MYOZ1: variants seen among roughly 807,000 people sequenced by gnomAD.
MYOZ1 encodes myozenin 1, also known as myozenin-1.
In MYOZ1, 20 loss-of-function variants were observed where a neutral mutation model predicts 28.7. That is an observed-to-expected ratio of 0.70 (90% CI 0.49 to 1.01). The LOEUF (loss-of-function observed/expected upper bound fraction) is 1.01, where lower values mean the gene tolerates loss of function less well. MYOZ1 is among the 50% of genes least tolerant of loss of function. The probability of loss-of-function intolerance (pLI) is 0.00; values close to 1 mark genes in which losing one functional copy is unlikely to be tolerated. For synonymous variants in MYOZ1, 144 were observed against 145.8 expected (o/e 0.99, Z 0.09); for missense variants, 371 against 372.4 (o/e 1.00, Z 0.03).
chr10:73,638,303 A>G (rs1343130178), intron 2 of MYOZ1, among the ~76,000 whole-genome samples: 1 of 150,994 alleles, frequency 6.6e-6, no homozygotes, highest in Non-Finnish European at 1.5e-5. Flanking sequence ...ATATATATAT[A>G]TATATATATA....
At chr10:73,640,171 C>T (rs2081695101) in intron 1 of MYOZ1, 136 bp from the exon 2 acceptor site, 2 of 604,634 alleles carry the variant, frequency 3.3e-6, no homozygotes, top group Non-Finnish European at 5.7e-6. Flanking sequence ...TTTTTAGAGA[C>T]AGGATCTCAC....
In MYOZ1 at chr10:73,634,640, T is replaced by C; in HGVS notation, c.346A>G (p.Ser116Gly). 2 of 1,614,232 alleles carry C rather than the reference T, an allele frequency of 1.2e-6. No individual in the cohort carries two copies. Among genetic ancestry groups the C allele is most frequent in the South Asian group, 2.2e-5 (2 of 91,086 alleles). The change falls in exon 4 of 6, where the codon AGC becomes GGC. Residue 116 changes from serine (S) to glycine (G), a missense_variant. By Grantham distance (56) the Ser-to-Gly change is moderately conservative. Transcript: ENST00000359322. Reference sequence around the variant, plus strand: ...GCAGAGCCACTGCCCCCTGCCTGGCTGCCGCCTCTGCCGTTGCTCTTGCTG... The same window carrying C: ...GCAGAGCCACTGCCCCCTGCCTGGCCGCCGCCTCTGCCGTTGCTCTTGCTG... ...SYSKSNGRGG[S>G]QAGGSGSAGQ...
chr10:73,632,615 A>ACC (rs368569767), intron 5 of MYOZ1, among the ~76,000 whole-genome samples: 63 of 101,078 alleles, frequency 6.2e-4, no homozygotes, highest in Middle Eastern at 5.3e-3. Context: ...AAATACAAAC[A>ACC]CCCCCCCCCC....
At chr10:73,638,638 TTTTATTTATTTA>T (rs71482554) in intron 2 of MYOZ1, among the ~76,000 whole-genome samples, 1,698 of 124,122 alleles carry the variant, frequency 0.014, 18 homozygotes, top group Admixed American at 0.02. Context: ...CCAGCCTACA[TTTTATTTATTTA>T]TTTATTTATT....
At chr10:73,632,286 CCTT>C (rs913606652) in intron 5 of MYOZ1, 125 bp from the exon 6 acceptor site, 58 of 816,262 alleles carry the variant, frequency 7.1e-5, no homozygotes, top group African/African-American at 3.6e-4. Context: ...CATCTGTACT[CCTT>C]CTTCTTCCTT....
chr10:73,640,222 C>T (rs2081695593), intron 1 of MYOZ1, among the ~76,000 whole-genome samples, 187 bp from the exon 2 acceptor site: 2 of 152,220 alleles, frequency 1.3e-5, no homozygotes, highest in African/African-American at 4.8e-5. Flanking sequence ...AATCATGCCT[C>T]ACTGCAGCCT....
chr10:73,634,786 C>A, intron 3 of MYOZ1, 53 bp from the exon 4 acceptor site: 1 of 1,580,610 alleles, frequency 6.3e-7, no homozygotes. Flanking sequence ...GGAAAATATA[C>A]AAAAACAGAG....
At chr10:73,638,943 G>A (rs1453900229) in intron 2 of MYOZ1, among the ~76,000 whole-genome samples, 1 of 149,130 alleles carries the variant, frequency 6.7e-6, no homozygotes, top group Non-Finnish European at 1.5e-5. Flanking sequence ...TGGGATTACA[G>A]GCATGAGCCA....
At chr10:73,639,891 G>T in intron 2 of MYOZ1, 54 bp downstream of exon 2, 1 of 1,550,132 alleles carries the variant, frequency 6.5e-7, no homozygotes. Context: ...GGGACTCTTG[G>T]TTTAGGGATG....
intron 5 of MYOZ1, 111 bp downstream of exon 5, chr10:73,633,789 C>T: frequency 4.2e-6 from 5 of 1,200,976 alleles, no homozygotes; most frequent in Non-Finnish European, 5.8e-6. Context: ...CCCCATATCC[C>T]TGCCATCTCT....
chr10:73,637,187 T>C (rs1467990506), intron 3 of MYOZ1, among the ~76,000 whole-genome samples: 2 of 151,938 alleles, frequency 1.3e-5, no homozygotes, highest in Non-Finnish European at 2.9e-5. Flanking sequence ...TAATTTTTTG[T>C]ATTTTTAGTA....
chr10:73,634,134 G>T lies in MYOZ1; in HGVS notation c.503-69C>A. ...AGTAGCCAATGAAAGGTAATCCCAC[G>T]CCCCTACACTAGGGAAATTGCAAGA... On this transcript the variant is annotated intron_variant, in intron 4 of 5. Coordinates refer to ENST00000359322, the MANE Select transcript of MYOZ1 (RefSeq NM_021245.4). 2.6e-6 allele frequency: 4 copies of T among 1,552,248 alleles called. No individual in the cohort carries two copies. The South Asian group carries it at 3.5e-5, about 13-fold the overall frequency.
chr10:73,640,272 C>A (rs1208038863), intron 1 of MYOZ1, among the ~76,000 whole-genome samples: 1 of 152,210 alleles, frequency 6.6e-6, no homozygotes, highest in Admixed American at 6.5e-5. Context: ...ACTTCAGCCT[C>A]CCAAGTAGCT....
At chr10:73,640,104 G>A in intron 1 of MYOZ1, 69 bp from the exon 2 acceptor site, 1 of 1,336,968 alleles carries the variant, frequency 7.5e-7, no homozygotes, top group Non-Finnish European at 1.1e-6. Context: ...CTGTAGGAGA[G>A]CAGCACTTCT....
At chr10:73,634,857 C>T (rs1718141864) in intron 3 of MYOZ1, 124 bp from the exon 4 acceptor site, 8 of 1,154,358 alleles carry the variant, frequency 6.9e-6, no homozygotes, top group Non-Finnish European at 9.6e-6. Flanking sequence ...TCTGATATTT[C>T]CCCCTCCAGT....
rs1194746995 is a variant in MYOZ1, at chr10:73,637,838, G to C, written c.158C>G (p.Thr53Ser). 1.2e-6 allele frequency: 2 copies of C among 1,614,130 alleles called. No homozygotes were observed. The highest frequency in any genetic ancestry group is 1.7e-6 in the Non-Finnish European group (2 of 1,180,032). The change falls in exon 3 of 6, where the codon ACC becomes AGC. Residue 53 changes from threonine to serine, a missense_variant. Coordinates refer to ENST00000359322, the MANE Select transcript of MYOZ1 (RefSeq NM_021245.4). Reference sequence around the variant, plus strand: ...TTTGAACATCTTGGAGCCCCGGTTGGTAAGCAGCGACAGTTCCTCCAACAT... The same window carrying C: ...TTTGAACATCTTGGAGCCCCGGTTGCTAAGCAGCGACAGTTCCTCCAACAT... Reference protein sequence around the residue: ...DVMLEELSLLTNRGSKMFKLR... With the variant: ...DVMLEELSLLSNRGSKMFKLR...
intron 2 of MYOZ1, 55 bp downstream of exon 2, chr10:73,639,890 G>C (rs2081692836): frequency 6.5e-7 from 1 of 1,539,334 alleles, no homozygotes; most frequent in Non-Finnish European, 9.0e-7. Context: ...TGGGACTCTT[G>C]GTTTAGGGAT....
rs201520888 is a variant in MYOZ1 at position 73,631,960 on chromosome 10, G to T, written c.870C>A (p.Ile290=). 118 of 1,613,902 alleles carry T rather than the reference G, an allele frequency of 7.3e-5. 1 individual carries two copies. The highest frequency in any genetic ancestry group is 3.3e-4 in the Middle Eastern group (2 of 6,060). The change falls in exon 6 of 6, where the codon ATC becomes ATA. Residue 290 remains isoleucine (I), a synonymous_variant. Transcript: ENST00000359322. ...EPVDYNVDIG[I]PLDGETEEL Reference sequence around the variant, plus strand: ...GCTCCTCTGTTTCTCCATCCAAGGGGATGCCAATATCCACGTTGTAGTCTA... The same window carrying T: ...GCTCCTCTGTTTCTCCATCCAAGGGTATGCCAATATCCACGTTGTAGTCTA...
Position 73,638,585 on chromosome 10 carries a change from C to T in MYOZ1, c.74-663G>A, listed in dbSNP as rs1457711754. On this transcript the variant is annotated intron_variant, in intron 2 of 5. Coordinates refer to ENST00000359322, the MANE Select transcript of MYOZ1 (RefSeq NM_021245.4). ...CTGAGCTCAACTGACCTACCAGCCA[C>T]GGCCTCCCAAAATGCTGGGATGACA... 5.3e-5 allele frequency among the ~76,000 whole-genome samples: 8 copies of T among 151,752 alleles called. No homozygotes were observed. The East Asian group carries it at 9.6e-4, about 18-fold the overall frequency.
Sources: allele counts gnomAD v4.1 joint callset (sites outside exome capture counted in the v4.1 genomes callset), GRCh38; gene constraint gnomAD v4.1.1; transcripts MANE v1.5; gene names NCBI Gene and HGNC (gene_info 2026-07-23, HGNC 2026-07-21).